RFX3: variants seen among roughly 807,000 people sequenced by gnomAD.
RFX3 encodes the protein transcription factor RFX3.
Under a neutral mutation model 98.6 loss-of-function variants are expected in RFX3, and 14 were observed. The observed-to-expected ratio is 0.14, with a 90% CI of 0.09 to 0.22. The LOEUF is 0.22. RFX3 is among the 10% of genes least tolerant of loss of function. The pLI, the probability that RFX3 is intolerant of heterozygous loss-of-function variation, is 1.00. For missense variants in RFX3, 639 were observed against 926.9 expected (o/e 0.69, Z 4.03); for synonymous variants, 383 against 328.4 (o/e 1.17, Z -1.80).
intron 1 of RFX3, among the ~76,000 whole-genome samples, chr9:3,522,231 C>G (rs779413032): frequency 3.0e-4 from 45 of 152,208 alleles, no homozygotes; most frequent in Middle Eastern, 3.4e-3. Context: ...TTAGTCAAAT[C>G]CACTTAATCT....
At chr9:3,497,021 G>T (rs1045770240) in intron 1 of RFX3, among the ~76,000 whole-genome samples, 2 of 151,950 alleles carry the variant, frequency 1.3e-5, no homozygotes, top group Non-Finnish European at 1.5e-5. Context: ...AGTTGCAGGA[G>T]GTAATCTTCC....
intron 1 of RFX3, among the ~76,000 whole-genome samples, chr9:3,445,881 G>C (rs574660598): frequency 1.2e-4 from 19 of 152,200 alleles, no homozygotes; most frequent in South Asian, 2.1e-4. Context: ...CTGGCCTGGT[G>C]AATGAAGTTT....
At chr9:3,295,081 G>A (rs1308640467) in intron 5 of RFX3, among the ~76,000 whole-genome samples, 1 of 152,014 alleles carries the variant, frequency 6.6e-6, no homozygotes, top group Non-Finnish European at 1.5e-5. Flanking sequence ...TATTCTAAGT[G>A]ACACACAGAA....
chr9:3,323,242 C>T (rs1344854633), intron 4 of RFX3, among the ~76,000 whole-genome samples: 5 of 152,076 alleles, frequency 3.3e-5, no homozygotes, highest in Non-Finnish European at 7.4e-5. Flanking sequence ...AGAGAACTGA[C>T]AATTGGTCAT....
chr9:3,488,857 T>G (rs762056850), intron 1 of RFX3: 15 of 984,544 alleles, frequency 1.5e-5, no homozygotes, highest in Non-Finnish European at 1.7e-5. Context: ...AGATTGAGTG[T>G]TTATCTTCCC....
In RFX3 at chr9:3,223,715, G is replaced by A. The variant is rs1586629677; in HGVS notation, c.*1327C>T. The A allele has an allele frequency of 6.6e-6, 1 of 152,116 alleles. No homozygotes were observed. The highest frequency in any genetic ancestry group is 1.9e-4 in the East Asian group (1 of 5,198). 9.4% of individuals were successfully genotyped at this position (152,116 alleles called of 1,614,324 possible). ...AACATGTCACCTGTCCTTACTTCAG[G>A]AATCTGAAAATGACAGGCACACTTT... On this transcript the variant is annotated 3_prime_UTR_variant, in exon 17 of 17. Coordinates refer to ENST00000617270, the MANE Select transcript of RFX3 (RefSeq NM_001282116.2).
chr9:3,237,518 AAATCT>A (rs1427445745), intron 15 of RFX3, among the ~76,000 whole-genome samples: 1 of 152,194 alleles, frequency 6.6e-6, no homozygotes, highest in Non-Finnish European at 1.5e-5. Context: ...TGGTATTTAA[AAATCT>A]AATCCAGAGT....
chr9:3,412,847 C>G (rs931808869), intron 1 of RFX3, among the ~76,000 whole-genome samples: 2 of 151,976 alleles, frequency 1.3e-5, no homozygotes, highest in African/African-American at 4.8e-5. Context: ...ATGTTTCTTC[C>G]AAATTGAATA....
intron 15 of RFX3, among the ~76,000 whole-genome samples, chr9:3,245,865 C>G (rs369180748): frequency 6.6e-6 from 1 of 152,050 alleles, no homozygotes; most frequent in Non-Finnish European, 1.5e-5. Flanking sequence ...TACACAGGCA[C>G]GTCTGGATTT....
intron 7 of RFX3, among the ~76,000 whole-genome samples, chr9:3,280,828 T>A (rs185789894): frequency 4.6e-5 from 7 of 151,890 alleles, no homozygotes; most frequent in Admixed American, 4.0e-4. Context: ...TACAGCCTAA[T>A]CCACAGGAGC....
At chr9:3,493,079 G>C (rs1850839651) in intron 1 of RFX3, among the ~76,000 whole-genome samples, 1 of 151,998 alleles carries the variant, frequency 6.6e-6, no homozygotes, top group Non-Finnish European at 1.5e-5. Context: ...AATTTACTGA[G>C]GGTCCTAGCA....
chr9:3,283,350 T>C (rs528289596), intron 7 of RFX3, among the ~76,000 whole-genome samples: 8 of 151,782 alleles, frequency 5.3e-5, no homozygotes, highest in Non-Finnish European at 1.0e-4. Flanking sequence ...TCAGATACGT[T>C]ATTCCACTTG....
Position 3,221,957 on chromosome 9 carries a change from T to C in RFX3, c.*3085A>G, listed in dbSNP as rs1248352233. 6.6e-6 allele frequency: 1 copy of C among 152,172 alleles called. No individual in the cohort carries two copies. Among genetic ancestry groups the C allele is most frequent in the African/African-American group, 2.4e-5 (1 of 41,454 alleles). The allele number at this position is 152,172 out of a possible 1,614,324, so 9.4% of individuals were successfully genotyped here. A position where few individuals can be genotyped will look rare whatever the true frequency, so the allele number is the denominator to read the frequency against. ...AAATACAAAGAAGTCTTAAAATGTG[T>C]ACTTGTGTCATTTGTGAATAAATCT... On this transcript the variant is annotated 3_prime_UTR_variant, in exon 17 of 17. Transcript: ENST00000617270.
chr9:3,493,617 G>A (rs1299846868), intron 1 of RFX3, among the ~76,000 whole-genome samples: 1 of 147,612 alleles, frequency 6.8e-6, no homozygotes, highest in Non-Finnish European at 1.5e-5. Context: ...CCAGGAGGCA[G>A]AGCTTGCAGT....
chr9:3,352,671 A>T (rs981581291), intron 2 of RFX3, among the ~76,000 whole-genome samples: 1 of 152,016 alleles, frequency 6.6e-6, no homozygotes, highest in Admixed American at 6.6e-5. Flanking sequence ...CAAATAGAAA[A>T]CTTGACAAAA....
At chr9:3,501,239 A>C (rs979204914) in intron 1 of RFX3, among the ~76,000 whole-genome samples, 2 of 152,190 alleles carry the variant, frequency 1.3e-5, no homozygotes, top group African/African-American at 4.8e-5. Context: ...ATTTTTAAAA[A>C]TCAAAGATCC....
intron 1 of RFX3, among the ~76,000 whole-genome samples, chr9:3,432,629 G>C (rs1844755210): frequency 6.6e-6 from 1 of 152,276 alleles, no homozygotes; most frequent in South Asian, 2.1e-4. Context: ...CATGGATCTT[G>C]GAGAAATCCA....
At chr9:3,354,281 A>T (rs890157366) in intron 2 of RFX3, among the ~76,000 whole-genome samples, 6 of 151,974 alleles carry the variant, frequency 3.9e-5, no homozygotes, top group East Asian at 1.9e-4. Flanking sequence ...GAACAGAAGA[A>T]CATCATCAAT....
chr9:3,307,955 C>A (rs888308198), intron 4 of RFX3, among the ~76,000 whole-genome samples: 5 of 152,038 alleles, frequency 3.3e-5, no homozygotes, highest in Admixed American at 3.3e-4. Context: ...TGGTACAGAA[C>A]CAATTTTCTT....
Sources: gnomAD v4.1 joint callset for allele counts (sites outside exome capture counted in the v4.1 genomes callset) on GRCh38, gnomAD v4.1.1 for gene constraint, MANE v1.5 for transcripts, NCBI Gene and HGNC (gene_info 2026-07-23, HGNC 2026-07-21) for gene names.